IP6K1: variants seen among roughly 807,000 people sequenced by gnomAD.
IP6K1 encodes inositol hexakisphosphate kinase 1, also known as ATP:1D-myo-inositol-hexakisphosphate phosphotransferase.
In IP6K1, 13 loss-of-function variants were observed where a neutral mutation model predicts 38.3. That is an observed-to-expected ratio of 0.34 (90% CI 0.22 to 0.54). IP6K1 has a LOEUF of 0.54. Among genes scored for constraint, IP6K1 ranks in the 20% least tolerant of loss-of-function variants. The probability of loss-of-function intolerance (pLI) is 0.92; values close to 1 mark genes in which losing one functional copy is unlikely to be tolerated. For missense variants in IP6K1, 397 were observed against 599.8 expected (o/e 0.66, Z 3.53); for synonymous variants, 212 against 229.9 (o/e 0.92, Z 0.70).
At chr3:49,733,102 C>G in intron 3 of IP6K1, 130 bp from the exon 4 acceptor site, 1 of 558,108 alleles carries the variant, frequency 1.8e-6, no homozygotes, top group Non-Finnish European at 3.1e-6. Context: ...CATTAAGGTC[C>G]CATGAGCCAA....
At chr3:49,779,498 G>T (rs1559717103) in intron 1 of IP6K1, among the ~76,000 whole-genome samples, 1 of 152,040 alleles carries the variant, frequency 6.6e-6, no homozygotes, top group Non-Finnish European at 1.5e-5. Flanking sequence ...GAGATTGCTG[G>T]GTCATATGGT....
At chr3:49,728,340 A>G (rs2080530627) in intron 4 of IP6K1, 62 bp from the exon 5 acceptor site, 1 of 1,552,820 alleles carries the variant, frequency 6.4e-7, no homozygotes, top group Admixed American at 1.7e-5. Context: ...AGGAAAGCAC[A>G]ACCCAGTTTT....
At chr3:49,768,207 C>A (rs958296618) in intron 1 of IP6K1, among the ~76,000 whole-genome samples, 8 of 152,152 alleles carry the variant, frequency 5.3e-5, no homozygotes, top group African/African-American at 1.9e-4. Flanking sequence ...CCCAAAAGAA[C>A]TGAAAGGAGG....
At chr3:49,772,948 C>G (rs2080972600) in intron 1 of IP6K1, among the ~76,000 whole-genome samples, 1 of 151,968 alleles carries the variant, frequency 6.6e-6, no homozygotes, top group African/African-American at 2.4e-5. Context: ...CTCAGCCTCC[C>G]CAGTTGCTGG....
intron 2 of IP6K1, among the ~76,000 whole-genome samples, chr3:49,745,032 T>C (rs967702477): frequency 1.3e-5 from 2 of 152,130 alleles, no homozygotes; most frequent in African/African-American, 4.8e-5. Flanking sequence ...GCCTCATTCA[T>C]TTATCAAGTA....
chr3:49,745,592 T>C (rs2080713403), intron 2 of IP6K1, among the ~76,000 whole-genome samples: 1 of 152,046 alleles, frequency 6.6e-6, no homozygotes, highest in Non-Finnish European at 1.5e-5. Flanking sequence ...TGGTGGCACA[T>C]GACTGTAATC....
intron 1 of IP6K1, among the ~76,000 whole-genome samples, chr3:49,762,324 A>G (rs1465090695): frequency 6.6e-6 from 1 of 152,176 alleles, no homozygotes; most frequent in Non-Finnish European, 1.5e-5. Flanking sequence ...CAGGCGGACC[A>G]TGAGGTCAGG....
At chr3:49,779,151 C>T (rs1046639986) in intron 1 of IP6K1, among the ~76,000 whole-genome samples, 2 of 152,204 alleles carry the variant, frequency 1.3e-5, no homozygotes, top group East Asian at 1.9e-4. Context: ...CCTCCAAGCC[C>T]TAAGCAATCA....
At chr3:49,774,001 ACACACACACACACACAC>A (rs1199126820) in intron 1 of IP6K1, among the ~76,000 whole-genome samples, 2 of 146,088 alleles carry the variant, frequency 1.4e-5, no homozygotes, top group Non-Finnish European at 3.1e-5. Flanking sequence ...ACACACACAC[ACACACACACACACACAC>A]AACACACACA....
chr3:49,763,971 A>G (rs1279356414), intron 1 of IP6K1, among the ~76,000 whole-genome samples: 7 of 152,148 alleles, frequency 4.6e-5, no homozygotes, highest in African/African-American at 1.7e-4. Context: ...GCAGTGAGTC[A>G]AGATCACGCC....
chr3:49,753,666 A>T (rs1176204323), intron 1 of IP6K1, among the ~76,000 whole-genome samples: 1 of 152,220 alleles, frequency 6.6e-6, no homozygotes, highest in African/African-American at 2.4e-5. Context: ...TATATAACAT[A>T]TGAAAAAGTG....
At chr3:49,769,549 G>C (rs114871711) in intron 1 of IP6K1, among the ~76,000 whole-genome samples, 2,478 of 152,238 alleles carry the variant, frequency 0.016, 31 homozygotes, top group Non-Finnish European at 0.024. Flanking sequence ...CAAACCAATG[G>C]GGAGAGAAAA....
intron 1 of IP6K1, among the ~76,000 whole-genome samples, chr3:49,778,052 G>A (rs2081033639): frequency 6.6e-6 from 1 of 151,872 alleles, no homozygotes; most frequent in South Asian, 2.1e-4. Context: ...TCAGCTGGGT[G>A]TGGTGGCTCA....
Position 49,732,943 on chromosome 3 carries a change from T to A in IP6K1, c.464A>T (p.Glu155Val), listed in dbSNP as rs761187382. 1 of 1,613,832 alleles carries A rather than the reference T, an allele frequency of 6.2e-7. No homozygotes were observed. The highest frequency in any genetic ancestry group is 1.1e-5 in the South Asian group (1 of 91,044). The change falls in exon 4 of 6, where the codon GAG (glutamate) becomes GTG (valine). Residue 155 changes from glutamate (E) to valine (V), a missense_variant. Physicochemically the swap from Glu to Val is moderately radical, Grantham distance 121. This residue lies in a region of IP6K1 where 171 missense variants were observed against 237.0 expected (regional missense o/e 0.72). Transcript: ENST00000321599. ...SSQEAKSPKVELHSHSEVPFQ... is the reference protein window; with the variant it reads ...SSQEAKSPKVVLHSHSEVPFQ... ...AGGGACCTCTGAGTGGCTGTGCAGC[T>A]CCACCTTCGGACTCTTTGCCTCCTG...
chr3:49,737,069 GC>G lies in IP6K1; in HGVS notation c.434+1142del, dbSNP rs2080619384. On this transcript the variant is annotated intron_variant, in intron 3 of 5. Transcript: ENST00000321599. ...TTACAGGCATGAGCCACCAAGCCTG[GC>G]CTTTTTTTTTTTTTTTTTTTTTTAG... is the stretch of plus-strand genomic sequence containing the variant. Among the ~76,000 whole-genome samples, 12 of 143,380 alleles carry G rather than the reference GC, an allele frequency of 8.4e-5. No individual in the cohort carries two copies. The South Asian group carries it at 1.8e-3, about 21-fold the overall frequency. 94.1% of individuals were successfully genotyped at this position (143,380 alleles called of 152,430 possible).
rs768273617 is a variant in IP6K1 at position 49,725,669 on chromosome 3, G to C, written c.*1453C>G. 6.5e-6 allele frequency: 1 copy of C among 152,688 alleles called. No individual in the cohort carries two copies. The highest frequency in any genetic ancestry group is 1.9e-4 in the East Asian group (1 of 5,198). The allele number at this position is 152,688 out of a possible 1,614,324, so 9.5% of individuals were successfully genotyped here. Reference sequence around the variant, plus strand: ...GCTAACCTTGGCAATGGCTGAAATCGGTGTCACCTCCTGGCCATCTGTTAG... The same window carrying C: ...GCTAACCTTGGCAATGGCTGAAATCCGTGTCACCTCCTGGCCATCTGTTAG... On this transcript the variant is annotated 3_prime_UTR_variant, in exon 6 of 6. Coordinates refer to ENST00000321599, the MANE Select transcript of IP6K1 (RefSeq NM_153273.4).
intron 1 of IP6K1, among the ~76,000 whole-genome samples, chr3:49,776,058 A>G (rs1396475886): frequency 6.6e-6 from 1 of 151,760 alleles, no homozygotes; most frequent in Non-Finnish European, 1.5e-5. Context: ...AAGCTATCAG[A>G]ACAAGAAATG....
At chr3:49,739,957 G>A (rs2080651203) in intron 2 of IP6K1, among the ~76,000 whole-genome samples, 1 of 152,108 alleles carries the variant, frequency 6.6e-6, no homozygotes, top group African/African-American at 2.4e-5. Context: ...GGAGGTTGCA[G>A]TGAGCCAAGA....
intron 4 of IP6K1, among the ~76,000 whole-genome samples, chr3:49,730,594 T>TCCA (rs1452775691): frequency 6.6e-6 from 1 of 152,226 alleles, no homozygotes; most frequent in Non-Finnish European, 1.5e-5. Context: ...TTGCCCAGGC[T>TCCA]GGAGTGCAGT....
Sources: allele counts gnomAD v4.1 joint callset (sites outside exome capture counted in the v4.1 genomes callset), GRCh38; gene constraint gnomAD v4.1.1; regional missense constraint gnomAD v4.1.1; transcripts MANE v1.5; gene names NCBI Gene and HGNC (gene_info 2026-07-23, HGNC 2026-07-21).